C8orf34: variants seen among roughly 807,000 people sequenced by gnomAD.
C8orf34 encodes chromosome 8 open reading frame 34.
C8orf34 carries 65 observed loss-of-function variants against 68.3 expected under a neutral mutation model. That is an observed-to-expected ratio of 0.95 (90% confidence interval 0.78 to 1.17). The LOEUF (loss-of-function observed/expected upper bound fraction) is 1.17. Ranked by LOEUF, C8orf34 falls within the 50% of genes most tolerant of loss-of-function variation. C8orf34 has a pLI of 0.00. For missense variants in C8orf34, 664 were observed against 655.4 expected (o/e 1.01, Z -0.14); for synonymous variants, 244 against 241.2 (o/e 1.01, Z -0.11).
chr8:68,709,810 C>A (rs1821280110), intron 9 of C8orf34, among the ~76,000 whole-genome samples: 1 of 152,026 alleles, frequency 6.6e-6, no homozygotes, highest in Non-Finnish European at 1.5e-5. Context: ...AATATCAGAG[C>A]AATTCAAAAT....
chr8:68,578,642 C>CTATATATATATATA lies in C8orf34; in HGVS notation c.1105+45495_1105+45508dup, dbSNP rs545258846. ...TCTATAGTTCATTGCAGATTAAATA[C>CTATATATATATATA]TATATATATATATATTTCAATATTG... On this transcript the variant is annotated intron_variant, in intron 7 of 13. Transcript: ENST00000518698. Among the ~76,000 whole-genome samples the CTATATATATATATA allele has an allele frequency of 1.2e-3, 179 of 148,796 alleles. 1 individual carries two copies. The highest frequency in any genetic ancestry group is 4.3e-3 in the African/African-American group (170 of 39,692).
chr8:68,548,229 A>G (rs2130016418), intron 7 of C8orf34, among the ~76,000 whole-genome samples: 1 of 151,932 alleles, frequency 6.6e-6, no homozygotes, highest in South Asian at 2.1e-4. Context: ...AAAAATAAAA[A>G]GAAAAATTGT....
intron 10 of C8orf34, among the ~76,000 whole-genome samples, chr8:68,726,731 C>A (rs1398299041): frequency 6.6e-6 from 1 of 152,068 alleles, no homozygotes; most frequent in Non-Finnish European, 1.5e-5. Context: ...TGCATGGCAG[C>A]AGAGAGAGAA....
At chr8:68,467,677 A>G (rs1453274981) in intron 3 of C8orf34, among the ~76,000 whole-genome samples, 1 of 152,004 alleles carries the variant, frequency 6.6e-6, no homozygotes, top group Non-Finnish European at 1.5e-5. Context: ...GAGCAACTCC[A>G]GTAGGAGCTT....
intron 10 of C8orf34, among the ~76,000 whole-genome samples, chr8:68,770,168 T>C (rs143058403): frequency 1.4e-4 from 21 of 152,356 alleles, no homozygotes; most frequent in Admixed American, 5.2e-4. Flanking sequence ...TTTCAAGTTT[T>C]TAATACTCTT....
chr8:68,440,041 A>T (rs1810835469), intron 2 of C8orf34, among the ~76,000 whole-genome samples: 1 of 152,146 alleles, frequency 6.6e-6, no homozygotes, highest in Non-Finnish European at 1.5e-5. Context: ...GCCCAAACTG[A>T]TGATTGTTCT....
At chr8:68,420,710 A>G in intron 1 of C8orf34, among the ~76,000 whole-genome samples, 1 of 152,204 alleles carries the variant, frequency 6.6e-6, no homozygotes, top group South Asian at 2.1e-4. Flanking sequence ...ACTTCAACAG[A>G]TAATTTCTGT....
At chr8:68,699,736 T>C (rs181249220) in intron 8 of C8orf34, among the ~76,000 whole-genome samples, 6 of 152,252 alleles carry the variant, frequency 3.9e-5, no homozygotes, top group Admixed American at 3.9e-4. Context: ...GATTTGTTTT[T>C]AAAATTCTTA....
chr8:68,794,720 C>CA (rs1425406953), intron 12 of C8orf34, among the ~76,000 whole-genome samples: 1 of 151,196 alleles, frequency 6.6e-6, no homozygotes. Flanking sequence ...CCCCTTGGTT[C>CA]AAGTGATCTG....
intron 11 of C8orf34, among the ~76,000 whole-genome samples, chr8:68,786,973 T>C (rs1040977379): frequency 1.3e-5 from 2 of 151,996 alleles, no homozygotes; most frequent in African/African-American, 4.8e-5. Context: ...GAGAAATATG[T>C]TAACAAACTT....
At chr8:68,776,526 T>A (rs1823524179) in intron 11 of C8orf34, 77 bp downstream of exon 11, 1 of 1,169,286 alleles carries the variant, frequency 8.6e-7, no homozygotes, top group Non-Finnish European at 1.3e-6. Context: ...TTAGGCTTTC[T>A]CCATCTACTT....
chr8:68,500,056 G>A (rs1332323119), intron 5 of C8orf34, among the ~76,000 whole-genome samples: 1 of 152,124 alleles, frequency 6.6e-6, no homozygotes, highest in African/African-American at 2.4e-5. Context: ...GCTCTGCATA[G>A]CCTTCAGCCA....
rs72664960 is a variant in C8orf34 at position 68,452,359 on chromosome 8, G to A, written c.607+5899G>A. On this transcript the variant is annotated intron_variant, in intron 3 of 13. Coordinates refer to ENST00000518698, the MANE Select transcript of C8orf34 (RefSeq NM_052958.4). ...TCAAAGAAGCTGCACCATTTCACATGCTTACTAGCAATATACAAGGGTTTC... is the reference window on the plus strand; with the variant it reads ...TCAAAGAAGCTGCACCATTTCACATACTTACTAGCAATATACAAGGGTTTC... 4.7e-3 allele frequency among the ~76,000 whole-genome samples: 715 copies of A among 151,450 alleles called. 3 individuals are homozygous for A. The highest frequency in any genetic ancestry group is 0.031 in the Middle Eastern group (9 of 294).
chr8:68,377,036 G>A (rs1289387860), intron 1 of C8orf34, among the ~76,000 whole-genome samples: 3 of 151,990 alleles, frequency 2.0e-5, no homozygotes, highest in East Asian at 1.9e-4. Context: ...TTAAAATGTC[G>A]GCAGTAAGTG....
chr8:68,356,072 C>G (rs1159238743), intron 1 of C8orf34, among the ~76,000 whole-genome samples: 1 of 152,072 alleles, frequency 6.6e-6, no homozygotes. Flanking sequence ...TTGCTTGTAT[C>G]TTCATGACCA....
rs188745834 is a variant in C8orf34 at position 68,703,024 on chromosome 8, A to G, written c.1242-5970A>G. 1.1e-4 allele frequency among the ~76,000 whole-genome samples: 17 copies of G among 152,266 alleles called. No individual in the cohort carries two copies. In the East Asian group the frequency reaches 3.3e-3, roughly 29 times the overall value. On this transcript the variant is annotated intron_variant, in intron 8 of 13. Coordinates refer to ENST00000518698, the MANE Select transcript of C8orf34 (RefSeq NM_052958.4). ...AACATCACCAAGCAAGCAAAATTGT[A>G]ACTACTGCTATCGCAACCAATCCCC...
chr8:68,614,260 G>A (rs1818122028), intron 7 of C8orf34, among the ~76,000 whole-genome samples: 1 of 152,046 alleles, frequency 6.6e-6, no homozygotes, highest in Non-Finnish European at 1.5e-5. Flanking sequence ...TCTGATGGTA[G>A]TTTCTTTTGC....
intron 7 of C8orf34, among the ~76,000 whole-genome samples, chr8:68,617,319 C>T (rs1287753259): frequency 6.6e-6 from 1 of 152,160 alleles, no homozygotes; most frequent in Non-Finnish European, 1.5e-5. Flanking sequence ...TGAATTTGAT[C>T]ATGTCATTAT....
At chr8:68,542,198 A>G (rs1815725409) in intron 7 of C8orf34, among the ~76,000 whole-genome samples, 1 of 152,208 alleles carries the variant, frequency 6.6e-6, no homozygotes, top group Non-Finnish European at 1.5e-5. Context: ...TCCAACTTAC[A>G]GTGGGAATGG....
Sources: allele counts gnomAD v4.1 joint callset (sites outside exome capture counted in the v4.1 genomes callset), GRCh38; gene constraint gnomAD v4.1.1; transcripts MANE v1.5; gene names NCBI Gene and HGNC (gene_info 2026-07-23, HGNC 2026-07-21).